Variants in SGCZ observed in about 807,000 individuals in gnomAD.
SGCZ encodes sarcoglycan zeta, also known as zeta-sarcoglycan.
A neutral mutation model predicts 41.3 loss-of-function variants in SGCZ; 40 were observed. The ratio of observed to expected loss-of-function variants is 0.97; its 90% confidence interval spans 0.75 to 1.26. The LOEUF (loss-of-function observed/expected upper bound fraction) is 1.26. Ranked by LOEUF, SGCZ falls within the 50% of genes most tolerant of loss-of-function variation. The pLI, the probability that SGCZ is intolerant of heterozygous loss-of-function variation, is 0.00. For missense variants in SGCZ, 552 were observed against 369.8 expected, an observed-to-expected ratio of 1.49 and a Z score of -4.04; for synonymous variants, 206 against 137.5, an observed-to-expected ratio of 1.50 and a Z score of -3.49.
Position 14,503,491 on chromosome 8 carries a change from C to G in SGCZ, c.234+51241G>C, listed in dbSNP as rs372905264. ...ATAACACACAAAACAATAACGCGGC[C>G]AGTCTCAGTGGCTCATGCCTGTAAT... On this transcript the variant is annotated intron_variant, in intron 2 of 7. Coordinates refer to ENST00000382080, the MANE Select transcript of SGCZ (RefSeq NM_139167.4). Among the ~76,000 whole-genome samples, 7 of 152,152 alleles carry G rather than the reference C, an allele frequency of 4.6e-5. No individual in the cohort carries two copies. The South Asian group carries it at 8.3e-4, about 18-fold the overall frequency.
chr8:14,550,970 C>T lies in SGCZ; in HGVS notation c.234+3762G>A, dbSNP rs144566947. Reference sequence around the variant, plus strand: ...CAGCCAACTTTCTTCCCAATGATCACGCAAGACTTCTTTCCCCAATTTGTT... The same window carrying T: ...CAGCCAACTTTCTTCCCAATGATCATGCAAGACTTCTTTCCCCAATTTGTT... On this transcript the variant is annotated intron_variant, in intron 2 of 7. Transcript: ENST00000382080. Among the ~76,000 whole-genome samples, 464 of 152,030 alleles carry T rather than the reference C, an allele frequency of 3.1e-3. 5 individuals are homozygous for T. The highest frequency in any genetic ancestry group is 9.7e-3 in the African/African-American group (404 of 41,498).
intron 2 of SGCZ, among the ~76,000 whole-genome samples, chr8:14,532,745 T>C (rs1439072700): frequency 2.0e-5 from 3 of 150,342 alleles, no homozygotes; most frequent in Non-Finnish European, 4.4e-5. Context: ...GGTGTTACCA[T>C]AATACAATAA....
chr8:15,122,346 C>T lies in SGCZ; in HGVS notation c.39+115239G>A, dbSNP rs186822932. Among the ~76,000 whole-genome samples the T allele has an allele frequency of 9.3e-4, 142 of 152,216 alleles. 1 individual carries two copies. Among genetic ancestry groups the T allele is most frequent in the Non-Finnish European group, 1.3e-3 (88 of 68,006 alleles). ...AACAAGGGTATTCAAGACTTAGAAA[C>T]AGTGCAATTTTGATAAGATTGCTTT... On this transcript the variant is annotated intron_variant, in intron 1 of 7. Coordinates refer to ENST00000382080, the MANE Select transcript of SGCZ (RefSeq NM_139167.4).
chr8:14,899,445 G>A (rs73666931), intron 1 of SGCZ, among the ~76,000 whole-genome samples: 5,718 of 152,242 alleles, frequency 0.038, 363 homozygotes, highest in African/African-American at 0.13. Flanking sequence ...TACAAAAATA[G>A]AAGCACAGAA....
intron 1 of SGCZ, among the ~76,000 whole-genome samples, chr8:15,168,902 C>T (rs1311407634): frequency 6.6e-6 from 1 of 152,200 alleles, no homozygotes; most frequent in Admixed American, 6.5e-5. Context: ...AGAAGCTCAG[C>T]ATGCTGGCAA....
chr8:15,098,211 G>C (rs1220627033), intron 1 of SGCZ, among the ~76,000 whole-genome samples: 1 of 151,534 alleles, frequency 6.6e-6, no homozygotes, highest in East Asian at 1.9e-4. Flanking sequence ...AAGACAGAAA[G>C]GAGTGAAAAA....
chr8:14,589,562 C>T (rs1805175453), intron 1 of SGCZ, among the ~76,000 whole-genome samples: 1 of 152,074 alleles, frequency 6.6e-6, no homozygotes, highest in Non-Finnish European at 1.5e-5. Context: ...GAGCAAATTA[C>T]TTGATCTCTT....
intron 3 of SGCZ, among the ~76,000 whole-genome samples, chr8:14,289,828 AAAAT>A (rs955621627): frequency 6.6e-6 from 1 of 151,810 alleles, no homozygotes; most frequent in Admixed American, 6.6e-5. Flanking sequence ...ATAATTAAAA[AAAAT>A]AAAAAGAAAA....
intron 1 of SGCZ, among the ~76,000 whole-genome samples, chr8:15,136,923 C>T (rs771130876): frequency 7.2e-5 from 11 of 152,040 alleles, no homozygotes; most frequent in South Asian, 2.1e-4. Flanking sequence ...GTACTAAAGG[C>T]AGAGGATGGA....
chr8:15,108,023 G>C (rs1466041950), intron 1 of SGCZ, among the ~76,000 whole-genome samples: 1 of 152,078 alleles, frequency 6.6e-6, no homozygotes. Flanking sequence ...ATTTTCCAAT[G>C]GGATTTACTA....
intron 4 of SGCZ, among the ~76,000 whole-genome samples, chr8:14,190,904 T>C (rs139977430): frequency 0.017 from 2,569 of 152,242 alleles, 29 homozygotes; most frequent in Non-Finnish European, 0.023. Context: ...ACCCGGCTAA[T>C]TTATTTAAGA....
At chr8:15,205,439 A>T (rs1585672669) in intron 1 of SGCZ, among the ~76,000 whole-genome samples, 1 of 152,334 alleles carries the variant, frequency 6.6e-6, no homozygotes, top group East Asian at 1.9e-4. Context: ...AAAAGTGGGC[A>T]AAGGACATGA....
chr8:14,391,607 T>C (rs1472076199), intron 2 of SGCZ, among the ~76,000 whole-genome samples: 2 of 152,148 alleles, frequency 1.3e-5, no homozygotes, highest in African/African-American at 2.4e-5. Context: ...ATCAGCCCAG[T>C]ATTGCATAGA....
chr8:14,176,812 T>C (rs1416341020), intron 4 of SGCZ, among the ~76,000 whole-genome samples: 1 of 152,108 alleles, frequency 6.6e-6, no homozygotes, highest in Non-Finnish European at 1.5e-5. Flanking sequence ...TGCTAAACCA[T>C]AGTAGACAAA....
intron 2 of SGCZ, among the ~76,000 whole-genome samples, chr8:14,358,822 G>C (rs1244151448): frequency 6.6e-6 from 1 of 151,966 alleles, no homozygotes; most frequent in African/African-American, 2.4e-5. Context: ...TCTTGGCCAG[G>C]CTGGTCTTGA....
intron 1 of SGCZ, among the ~76,000 whole-genome samples, chr8:14,753,244 A>G (rs1278262244): frequency 6.6e-6 from 1 of 152,146 alleles, no homozygotes; most frequent in East Asian, 1.9e-4. Context: ...AAAATTTTAG[A>G]TTCATAAATT....
rs188464416 is a variant in SGCZ, at chr8:14,331,226, T to C, written c.235-7022A>G. 1.9e-3 allele frequency among the ~76,000 whole-genome samples: 295 copies of C among 152,154 alleles called. 1 individual carries two copies. The highest frequency in any genetic ancestry group is 6.9e-3 in the African/African-American group (286 of 41,560). On this transcript the variant is annotated intron_variant, in intron 2 of 7. Coordinates refer to ENST00000382080, the MANE Select transcript of SGCZ (RefSeq NM_139167.4). The stretch of plus-strand genomic sequence containing the variant: ...CATAAAGAATGGAAATATTAAATTG[T>C]TTCAATGAAATTAAAAACCATATTT...
chr8:14,489,663 AT>A (rs1801784569), intron 2 of SGCZ, among the ~76,000 whole-genome samples: 1 of 151,870 alleles, frequency 6.6e-6, no homozygotes, highest in African/African-American at 2.4e-5. Context: ...AAATTGGCAT[AT>A]TTCTTTCTTA....
At chr8:14,839,621 T>C (rs10107666) in intron 1 of SGCZ, among the ~76,000 whole-genome samples, 89,290 of 151,696 alleles carry the variant, frequency 0.59, 27,141 homozygotes, top group East Asian at 0.81. Flanking sequence ...CTAATGAAAG[T>C]CTTGAACGCT....
Sources: allele counts gnomAD v4.1 joint callset (sites outside exome capture counted in the v4.1 genomes callset), GRCh38; gene constraint gnomAD v4.1.1; transcripts MANE v1.5; gene names NCBI Gene and HGNC (gene_info 2026-07-23, HGNC 2026-07-21).